SUGCT: variants seen among roughly 807,000 people sequenced by gnomAD.
SUGCT encodes succinyl-CoA:glutarate-CoA transferase.
Under a neutral mutation model 55.0 loss-of-function variants are expected in SUGCT, and 41 were observed. That is an observed-to-expected ratio of 0.74 (90% CI 0.58 to 0.97). The LOEUF is 0.97. Among genes scored for constraint, SUGCT ranks in the 50% least tolerant of loss-of-function variants. The pLI, the probability that SUGCT is intolerant of heterozygous loss-of-function variation, is 0.00. For synonymous variants in SUGCT, 187 were observed against 200.4 expected, an observed-to-expected ratio of 0.93 and a Z score of 0.56; for missense variants, 568 against 547.8, an observed-to-expected ratio of 1.04 and a Z score of -0.37.
chr7:40,309,420 G>A (rs565543917), intron 8 of SUGCT, among the ~76,000 whole-genome samples: 1 of 152,072 alleles, frequency 6.6e-6, no homozygotes, highest in South Asian at 2.1e-4. Context: ...TCAGCCTTCC[G>A]TGTAGCTGGG....
At chr7:40,438,490 C>G (rs373590153) in intron 9 of SUGCT, among the ~76,000 whole-genome samples, 1 of 152,078 alleles carries the variant, frequency 6.6e-6, no homozygotes, top group Non-Finnish European at 1.5e-5. Flanking sequence ...GTTTGGTTTC[C>G]CTATCAGTGA....
intron 11 of SUGCT, among the ~76,000 whole-genome samples, chr7:40,481,781 C>T (rs1791061894): frequency 6.6e-6 from 1 of 152,056 alleles, no homozygotes; most frequent in African/African-American, 2.4e-5. Flanking sequence ...GTGAGAGAAA[C>T]TGCTTATATA....
intron 12 of SUGCT, among the ~76,000 whole-genome samples, chr7:40,598,340 T>A (rs1798125799): frequency 6.6e-6 from 1 of 152,160 alleles, no homozygotes. Context: ...TCTAATTATC[T>A]TCACTACCAA....
chr7:40,539,017 T>A (rs947553423), intron 12 of SUGCT: 1 of 150,432 alleles, frequency 6.6e-6, no homozygotes, highest in African/African-American at 2.5e-5. Context: ...AGGCAGAGCT[T>A]GCAGTGAGCT....
At chr7:40,326,010 C>T (rs1307199242) in intron 9 of SUGCT, among the ~76,000 whole-genome samples, 5 of 149,730 alleles carry the variant, frequency 3.3e-5, no homozygotes, top group African/African-American at 1.2e-4. Context: ...AACCTAATAG[C>T]TGGCCTTGCT....
chr7:40,153,258 A>C, intron 1 of SUGCT: 1 of 404,062 alleles, frequency 2.5e-6, no homozygotes, highest in Non-Finnish European at 4.8e-6. Context: ...GAGACTGATG[A>C]AAGCAAAAAA....
chr7:40,907,479 G>A, the SUGCT span, among the ~76,000 whole-genome samples: 2 of 152,176 alleles, frequency 1.3e-5, no homozygotes, highest in Non-Finnish European at 2.9e-5. Context: ...TCAGGCGCTA[G>A]CCTTGTAAAG....
the SUGCT span, among the ~76,000 whole-genome samples, chr7:40,995,301 G>A: frequency 6.6e-6 from 1 of 151,756 alleles, no homozygotes. Flanking sequence ...AAGCAAATTA[G>A]CACCCACTCC....
At chr7:40,469,206 A>G (rs1790281535) in intron 11 of SUGCT, among the ~76,000 whole-genome samples, 1 of 152,124 alleles carries the variant, frequency 6.6e-6, no homozygotes, top group African/African-American at 2.4e-5. Context: ...TTAATGTCTT[A>G]TGAGGCTGCA....
chr7:40,906,204 G>T, the SUGCT span, among the ~76,000 whole-genome samples: 1 of 151,926 alleles, frequency 6.6e-6, no homozygotes, highest in Non-Finnish European at 1.5e-5. Flanking sequence ...TAAACTCAAG[G>T]ATTTGATCCA....
intron 12 of SUGCT, among the ~76,000 whole-genome samples, chr7:40,600,886 G>T (rs1216991242): frequency 6.6e-6 from 1 of 151,994 alleles, no homozygotes; most frequent in East Asian, 1.9e-4. Context: ...CTTTGATATG[G>T]GGGAGGGGGC....
intron 12 of SUGCT, among the ~76,000 whole-genome samples, chr7:40,557,809 C>T (rs535177073): frequency 1.3e-5 from 2 of 150,978 alleles, no homozygotes; most frequent in Non-Finnish European, 3.0e-5. Context: ...AAGACACTAT[C>T]TTGCAAAAGG....
At chr7:40,155,471 A>G (rs1783841585) in intron 1 of SUGCT, among the ~76,000 whole-genome samples, 1 of 152,190 alleles carries the variant, frequency 6.6e-6, no homozygotes, top group African/African-American at 2.4e-5. Flanking sequence ...TTTGTGAGCA[A>G]CATAGGTATG....
chr7:40,531,736 C>G (rs1009771749), intron 12 of SUGCT, among the ~76,000 whole-genome samples: 1 of 152,016 alleles, frequency 6.6e-6, no homozygotes, highest in African/African-American at 2.4e-5. Context: ...TGCAGTGGCA[C>G]GATCTCGGCT....
Position 40,338,946 on chromosome 7 carries a change from T to A in SUGCT, c.816+22091T>A, listed in dbSNP as rs147715795. On this transcript the variant is annotated intron_variant, in intron 9 of 13. Transcript: ENST00000335693. ...TTTTGGTGTGGATGTCCTTTCTGTT[T>A]GTTAGTTTTCCTTCTAACAGTCAGG... 6.3e-4 allele frequency among the ~76,000 whole-genome samples: 96 copies of A among 152,366 alleles called. No homozygotes were observed. In the East Asian group the frequency reaches 0.015, roughly 25 times the overall value.
At chr7:40,618,978 C>T (rs150542060) in intron 12 of SUGCT, among the ~76,000 whole-genome samples, 170 of 152,200 alleles carry the variant, frequency 1.1e-3, no homozygotes, top group Non-Finnish European at 1.7e-3. Flanking sequence ...TAGAGCCATC[C>T]GATGTTAGAA....
intron 9 of SUGCT, among the ~76,000 whole-genome samples, chr7:40,446,275 G>A (rs1788830417): frequency 6.6e-6 from 1 of 152,086 alleles, no homozygotes; most frequent in South Asian, 2.1e-4. Context: ...AATTTGGCAA[G>A]CCTTTCTTCA....
intron 13 of SUGCT, among the ~76,000 whole-genome samples, chr7:40,775,929 G>C (rs1789425499): frequency 6.6e-6 from 1 of 152,126 alleles, no homozygotes; most frequent in South Asian, 2.1e-4. Flanking sequence ...TTTTTCCAAA[G>C]TTTGTGTTCT....
At chr7:40,362,683 T>A (rs1798214989) in intron 9 of SUGCT, among the ~76,000 whole-genome samples, 1 of 152,192 alleles carries the variant, frequency 6.6e-6, no homozygotes, top group South Asian at 2.1e-4. Context: ...AACAATATAA[T>A]TTTAAAAATT....
Sources: allele counts gnomAD v4.1 joint callset (sites outside exome capture counted in the v4.1 genomes callset), GRCh38; gene constraint gnomAD v4.1.1; transcripts MANE v1.5; gene names NCBI Gene and HGNC (gene_info 2026-07-23, HGNC 2026-07-21).